Variants in GRIN2B observed in about 807,000 individuals in gnomAD.
The protein encoded by GRIN2B is glutamate ionotropic receptor NMDA type subunit 2B.
GRIN2B carries 5 observed loss-of-function variants against 114.5 expected under a neutral mutation model. That is an observed-to-expected ratio of 0.04 (90% CI 0.02 to 0.09). GRIN2B has a LOEUF of 0.09. Ranked by LOEUF, GRIN2B falls within the 10% of genes least tolerant of loss-of-function variation. The pLI is 1.00. For missense variants in GRIN2B, 1,108 were observed against 1,943.5 expected, an observed-to-expected ratio of 0.57 and a Z score of 8.08; for synonymous variants, 787 against 745.1, an observed-to-expected ratio of 1.06 and a Z score of -0.92.
Position 13,909,066 on chromosome 12 carries a change from G to T in GRIN2B, c.-18-42840C>A, listed in dbSNP as rs78827237. On this transcript the variant is annotated intron_variant, in intron 2 of 13. Coordinates refer to ENST00000609686, the MANE Select transcript of GRIN2B (RefSeq NM_000834.5). Reference sequence around the variant, plus strand: ...TAACAAACGCAGGCTCCAAAAAAATGACATGAATATACTTTCTTCTCTCCT... The same window carrying T: ...TAACAAACGCAGGCTCCAAAAAAATTACATGAATATACTTTCTTCTCTCCT... 3.8e-4 allele frequency among the ~76,000 whole-genome samples: 58 copies of T among 152,248 alleles called. No individual in the cohort carries two copies. In the East Asian group the frequency reaches 0.011, roughly 28 times the overall value.
intron 3 of GRIN2B, among the ~76,000 whole-genome samples, chr12:13,848,332 AGGAGGAAATTCTGGGGCCACGT>A (rs1865502356): frequency 6.6e-6 from 1 of 152,114 alleles, no homozygotes; most frequent in African/African-American, 2.4e-5. Context: ...ACAGACTGAA[AGGAGGAAATTCTGGGGCCACGT>A]GGAGGACAGA....
chr12:13,666,786 A>G lies in GRIN2B; in HGVS notation c.1125+8959T>C, dbSNP rs560233112. 1.1e-3 allele frequency among the ~76,000 whole-genome samples: 171 copies of G among 152,268 alleles called. 1 individual carries two copies. The highest frequency in any genetic ancestry group is 4.0e-3 in the African/African-American group (166 of 41,574). ...CCATCATCACTGCAGGAAAAACTCA[A>G]CGCATAAGATCTTCGGGTGCTAGAT... On this transcript the variant is annotated intron_variant, in intron 5 of 13. Transcript: ENST00000609686.
intron 4 of GRIN2B, among the ~76,000 whole-genome samples, chr12:13,682,210 C>T (rs1950137251): frequency 6.6e-6 from 1 of 152,132 alleles, no homozygotes; most frequent in Non-Finnish European, 1.5e-5. Context: ...AAGATTATTA[C>T]AATCTGGTCA....
chr12:13,976,301 T>A (rs1447413873), intron 2 of GRIN2B, among the ~76,000 whole-genome samples: 1 of 152,224 alleles, frequency 6.6e-6, no homozygotes, highest in Non-Finnish European at 1.5e-5. Flanking sequence ...GATCTATATT[T>A]ATTTACAATG....
chr12:13,592,696 T>G (rs1949024219), intron 10 of GRIN2B, among the ~76,000 whole-genome samples: 1 of 152,146 alleles, frequency 6.6e-6, no homozygotes, highest in African/African-American at 2.4e-5. Context: ...GTACTCCACT[T>G]GCTGAGCTCT....
At position 13,611,717 on chromosome 12, in the gene GRIN2B, G is replaced by A. The variant is rs199986080; in HGVS notation, c.1780+8C>T. On this transcript the variant is annotated splice_region_variant and intron_variant, in intron 9 of 13. Coordinates refer to ENST00000609686, the MANE Select transcript of GRIN2B (RefSeq NM_000834.5). Reference sequence around the variant, plus strand: ...CTGGGGAAGTGCAGCGGTTCCAGCCGGCCTTACCTCTGCCATCAGCGAGGC... The same window carrying A: ...CTGGGGAAGTGCAGCGGTTCCAGCCAGCCTTACCTCTGCCATCAGCGAGGC... 1.7e-4 allele frequency: 277 copies of A among 1,613,656 alleles called. No homozygotes were observed. The African/African-American group carries it at 2.3e-3, about 14-fold the overall frequency.
At chr12:13,675,010 C>T (rs1950058966) in intron 5 of GRIN2B, among the ~76,000 whole-genome samples, 1 of 152,100 alleles carries the variant, frequency 6.6e-6, no homozygotes, top group South Asian at 2.1e-4. Flanking sequence ...ACATTACTCT[C>T]AGGAATACTT....
chr12:13,612,147 G>A lies in GRIN2B; in HGVS notation c.1655-297C>T, dbSNP rs561511929. Among the ~76,000 whole-genome samples, 8 of 152,296 alleles carry A rather than the reference G, an allele frequency of 5.3e-5. No individual in the cohort carries two copies. The East Asian group carries it at 1.5e-3, about 29-fold the overall frequency. On this transcript the variant is annotated intron_variant, in intron 8 of 13. Transcript: ENST00000609686. Reference sequence around the variant, plus strand: ...GGGTATTTCAGTAAATGGTGCAATTGGAAGAAGCACTAGCTATGAAGTGAG... The same window carrying A: ...GGGTATTTCAGTAAATGGTGCAATTAGAAGAAGCACTAGCTATGAAGTGAG...
chr12:13,923,295 A>G (rs1286659411), intron 2 of GRIN2B, among the ~76,000 whole-genome samples: 5 of 152,232 alleles, frequency 3.3e-5, no homozygotes, highest in Non-Finnish European at 2.9e-5. Flanking sequence ...TTTAGATTCA[A>G]CTTGGAAACA....
intron 2 of GRIN2B, among the ~76,000 whole-genome samples, chr12:13,915,804 C>A (rs1373494770): frequency 6.6e-6 from 1 of 152,084 alleles, no homozygotes; most frequent in African/African-American, 2.4e-5. Flanking sequence ...CTTCCAAGCA[C>A]CTGGCTGGCA....
chr12:13,826,236 C>T (rs1020460152), intron 3 of GRIN2B, among the ~76,000 whole-genome samples: 2 of 151,938 alleles, frequency 1.3e-5, no homozygotes, highest in Non-Finnish European at 2.9e-5. Flanking sequence ...TTTGGGAGGC[C>T]GAGGTGGGCG....
chr12:13,572,003 GGAGGGA>G, intron 10 of GRIN2B, 39 bp from the exon 11 acceptor site: 5 of 1,498,206 alleles, frequency 3.3e-6, no homozygotes, highest in South Asian at 2.3e-5. Context: ...AGCGGGAGAT[GGAGGGA>G]GAGAGAGAGA....
At chr12:13,916,641 G>A (rs1591619655) in intron 2 of GRIN2B, among the ~76,000 whole-genome samples, 2 of 151,482 alleles carry the variant, frequency 1.3e-5, no homozygotes, top group South Asian at 4.2e-4. Flanking sequence ...TTGAAGCCAG[G>A]ATTCGAGACC....
chr12:13,857,705 C>A (rs963366525), intron 3 of GRIN2B, among the ~76,000 whole-genome samples: 1 of 152,120 alleles, frequency 6.6e-6, no homozygotes, highest in Non-Finnish European at 1.5e-5. Context: ...CTGTTGACTA[C>A]ACTGTCTGTT....
chr12:13,687,578 A>C (rs1352342396), intron 4 of GRIN2B, among the ~76,000 whole-genome samples: 1 of 152,184 alleles, frequency 6.6e-6, no homozygotes, highest in East Asian at 1.9e-4. Flanking sequence ...GGAATGTTCT[A>C]CTTGAATGCT....
At chr12:13,587,687 C>T (rs879694382) in intron 10 of GRIN2B, among the ~76,000 whole-genome samples, 8 of 152,088 alleles carry the variant, frequency 5.3e-5, no homozygotes, top group East Asian at 1.9e-4. Context: ...GAGTTTATGT[C>T]GGAAAAACAT....
chr12:13,669,953 G>T (rs573979291), intron 5 of GRIN2B, among the ~76,000 whole-genome samples: 2 of 152,054 alleles, frequency 1.3e-5, no homozygotes, highest in Non-Finnish European at 2.9e-5. Flanking sequence ...GAGACACAGC[G>T]TCCCTTAGCC....
Position 13,808,550 on chromosome 12 carries a change from C to T in GRIN2B, c.412-54635G>A, listed in dbSNP as rs147887632. Among the ~76,000 whole-genome samples the T allele has an allele frequency of 5.4e-4, 81 of 150,628 alleles. 1 individual carries two copies. The East Asian group carries it at 0.013, about 24-fold the overall frequency. On this transcript the variant is annotated intron_variant, in intron 3 of 13. Coordinates refer to ENST00000609686, the MANE Select transcript of GRIN2B (RefSeq NM_000834.5). The stretch of plus-strand genomic sequence containing the variant: ...ATAGGTGGGAATTGAACAAGGAGAA[C>T]ACTTAGACACAGGAAGGGGAACATC...
intron 2 of GRIN2B, among the ~76,000 whole-genome samples, chr12:13,928,233 G>A (rs1866953948): frequency 6.6e-6 from 1 of 150,998 alleles, no homozygotes; most frequent in Admixed American, 6.6e-5. Flanking sequence ...AACCCAGGAG[G>A]TAGAGGTTGT....
Sources: gnomAD v4.1 joint callset for allele counts (sites outside exome capture counted in the v4.1 genomes callset) on GRCh38, gnomAD v4.1.1 for gene constraint, MANE v1.5 for transcripts, NCBI Gene and HGNC (gene_info 2026-07-23, HGNC 2026-07-21) for gene names.